PKIB: variants seen among roughly 807,000 people sequenced by gnomAD.
PKIB encodes cAMP-dependent protein kinase inhibitor beta, also known as PKI-beta.
Under a neutral mutation model 4.5 loss-of-function variants are expected in PKIB, and 2 were observed. The observed-to-expected ratio is 0.44, with a 90% CI of 0.18 to 1.39. PKIB has a LOEUF of 1.39. PKIB is among the 40% of genes most tolerant of loss of function. PKIB has a pLI of 0.27. For synonymous variants in PKIB, 38 were observed against 36.0 expected, an observed-to-expected ratio of 1.06 and a Z score of -0.20; for missense variants, 94 against 92.6, an observed-to-expected ratio of 1.02 and a Z score of -0.06.
chr6:122,493,133 C>T (rs1004958169), intron 2 of PKIB: 5 of 152,226 alleles, frequency 3.3e-5, no homozygotes, highest in Admixed American at 3.3e-4. Context: ...TCCCTTTGAA[C>T]TGTCAAAGCA....
At chr6:122,710,314 C>G (rs1779222960) in intron 3 of PKIB, among the ~76,000 whole-genome samples, 1 of 152,058 alleles carries the variant, frequency 6.6e-6, no homozygotes, top group East Asian at 1.9e-4. Context: ...CATGTAAACC[C>G]CCAACACAGA....
At chr6:122,683,057 T>C (rs1319694072) in intron 3 of PKIB, among the ~76,000 whole-genome samples, 1 of 152,196 alleles carries the variant, frequency 6.6e-6, no homozygotes, top group East Asian at 1.9e-4. Flanking sequence ...GTTGATTTAA[T>C]TATGTGCTGC....
intron 2 of PKIB, among the ~76,000 whole-genome samples, chr6:122,565,420 C>A (rs984393085): frequency 9.9e-5 from 15 of 152,136 alleles, no homozygotes; most frequent in African/African-American, 3.4e-4. Flanking sequence ...ATTTGAATCT[C>A]AGCTGTCTCA....
chr6:122,631,243 T>A (rs1775686392), intron 1 of PKIB, among the ~76,000 whole-genome samples: 1 of 152,218 alleles, frequency 6.6e-6, no homozygotes, highest in African/African-American at 2.4e-5. Context: ...CATTAATATC[T>A]GTGCCACATA....
At chr6:122,586,941 G>A (rs1222566982) in intron 3 of PKIB, among the ~76,000 whole-genome samples, 2 of 152,112 alleles carry the variant, frequency 1.3e-5, no homozygotes, top group African/African-American at 2.4e-5. Context: ...AGGAGGGAGC[G>A]ATAACTTCAC....
At chr6:122,630,824 A>G (rs899339997) in intron 1 of PKIB, among the ~76,000 whole-genome samples, 1 of 152,138 alleles carries the variant, frequency 6.6e-6, no homozygotes, top group Non-Finnish European at 1.5e-5. Flanking sequence ...CCAGTGATCT[A>G]AAACAGTAAA....
At chr6:122,600,534 G>T (rs1043015187) in intron 3 of PKIB, among the ~76,000 whole-genome samples, 1 of 147,686 alleles carries the variant, frequency 6.8e-6, no homozygotes, top group African/African-American at 2.4e-5. Context: ...GGAAAACCTC[G>T]TAATTCAAGA....
At chr6:122,519,738 A>G (rs1776876173) in intron 2 of PKIB, among the ~76,000 whole-genome samples, 1 of 152,150 alleles carries the variant, frequency 6.6e-6, no homozygotes, top group Non-Finnish European at 1.5e-5. Context: ...GTTTTCCTGA[A>G]TCTTTCTATT....
At chr6:122,676,400 C>T (rs1409613581) in intron 3 of PKIB, among the ~76,000 whole-genome samples, 2 of 152,128 alleles carry the variant, frequency 1.3e-5, no homozygotes, top group Non-Finnish European at 2.9e-5. Flanking sequence ...CAGTTCCTAA[C>T]AGGCCATGGA....
At chr6:122,631,634 G>T (rs905086210) in intron 1 of PKIB, among the ~76,000 whole-genome samples, 1 of 152,128 alleles carries the variant, frequency 6.6e-6, no homozygotes, top group Non-Finnish European at 1.5e-5. Flanking sequence ...AGACAGGCAG[G>T]ATTAATATTA....
intron 2 of PKIB, among the ~76,000 whole-genome samples, chr6:122,532,827 A>G (rs909494093): frequency 6.6e-6 from 1 of 152,174 alleles, no homozygotes. Context: ...GGGTGCACGA[A>G]TATCTCTTCA....
chr6:122,613,821 G>T (rs1774867887), intron 1 of PKIB, among the ~76,000 whole-genome samples: 1 of 151,740 alleles, frequency 6.6e-6, no homozygotes, highest in Non-Finnish European at 1.5e-5. Context: ...AAATTAGCTG[G>T]GTGTGGTGGT....
At chr6:122,545,604 C>T (rs1429533215) in intron 2 of PKIB, among the ~76,000 whole-genome samples, 1 of 151,142 alleles carries the variant, frequency 6.6e-6, no homozygotes, top group African/African-American at 2.4e-5. Flanking sequence ...ACCCTTCACC[C>T]ACAAATAGGG....
chr6:122,553,146 A>G (rs1032686986), intron 2 of PKIB, among the ~76,000 whole-genome samples: 4 of 152,094 alleles, frequency 2.6e-5, no homozygotes, highest in South Asian at 2.1e-4. Flanking sequence ...AGGTAATAGC[A>G]TGGTCTACTC....
intron 2 of PKIB, among the ~76,000 whole-genome samples, chr6:122,535,092 C>T (rs1450660616): frequency 1.3e-5 from 2 of 152,028 alleles, no homozygotes; most frequent in African/African-American, 4.8e-5. Flanking sequence ...CTCTCTCTCT[C>T]TTCTCTCTCT....
chr6:122,644,792 A>G (rs1244671246), intron 2 of PKIB: 1 of 152,208 alleles, frequency 6.6e-6, no homozygotes, highest in Non-Finnish European at 1.5e-5. Context: ...TTCTATGTGG[A>G]GTATTAATGA....
intron 3 of PKIB, among the ~76,000 whole-genome samples, chr6:122,676,942 T>C (rs1235629973): frequency 6.6e-6 from 1 of 152,196 alleles, no homozygotes; most frequent in African/African-American, 2.4e-5. Context: ...AACAATGACA[T>C]TAACCTATAC....
rs76223163 is a variant in PKIB at position 122,703,093 on chromosome 6, T to C, written c.-8-14694T>C. Among the ~76,000 whole-genome samples the C allele has an allele frequency of 2.5e-4, 38 of 152,296 alleles. No individual in the cohort carries two copies. The East Asian group carries it at 6.4e-3, about 26-fold the overall frequency. On this transcript the variant is annotated intron_variant, in intron 3 of 4. Transcript: ENST00000368452. ...ACTTCTCTTACGAAACAAGCTTCAA[T>C]GTATCAGCTCTATTCTGTGAAATGC...
intron 2 of PKIB, among the ~76,000 whole-genome samples, chr6:122,668,801 C>T (rs977381689): frequency 6.6e-6 from 1 of 152,198 alleles, no homozygotes; most frequent in Non-Finnish European, 1.5e-5. Flanking sequence ...CAGTTGGCTT[C>T]TATGTTGCCA....
Sources: allele counts gnomAD v4.1 joint callset (sites outside exome capture counted in the v4.1 genomes callset), GRCh38; gene constraint gnomAD v4.1.1; transcripts MANE v1.5; gene names NCBI Gene and HGNC (gene_info 2026-07-23, HGNC 2026-07-21).